The following DCTN1 variants were observed in gnomAD, a reference collection of about 807,000 sequenced individuals.
The protein encoded by DCTN1 is dynactin subunit 1.
DCTN1 carries 61 observed loss-of-function variants against 161.2 expected under a neutral mutation model. The observed-to-expected ratio is 0.38, with a 90% confidence interval of 0.31 to 0.47. The LOEUF is 0.47. DCTN1 is among the 20% of genes least tolerant of loss of function. The pLI, the probability that DCTN1 is intolerant of heterozygous loss-of-function variation, is 0.99. For synonymous variants in DCTN1, 653 were observed against 632.4 expected (o/e 1.03, Z -0.49); for missense variants, 1,404 against 1,623.7 (o/e 0.86, Z 2.33).
At position 74,362,720 on chromosome 2, in the gene DCTN1, C is replaced by T; in HGVS notation, c.3539G>A (p.Ser1180Asn). The change falls in exon 30 of 32, where the codon AGC (serine) becomes AAC (asparagine). Residue 1180 changes from serine (S) to asparagine (N), a missense_variant. By Grantham distance (46) the Ser-to-Asn change is conservative. Around this residue, in one of 9 missense-constraint regions of DCTN1, gnomAD observed 311 missense variants for 298.9 expected, o/e 1.04. Transcript: ENST00000628224. ...DITRTSPAAK[S>N]PSAQLMEQVA... ...TTGCTCCATAAGTTGGGCCGACGGG[C>T]TCTTGGCAGCTGTGGGGAGAGAAAG... 1.9e-6 allele frequency: 3 copies of T among 1,613,940 alleles called. No individual in the cohort carries two copies. Among genetic ancestry groups the T allele is most frequent in the Non-Finnish European group, 2.5e-6 (3 of 1,179,970 alleles).
In DCTN1 at chr2:74,365,617, A is replaced by T; in HGVS notation, c.2927T>A (p.Leu976Gln). The T allele has an allele frequency of 6.2e-7, 1 of 1,614,124 alleles. No homozygotes were observed. Among genetic ancestry groups the T allele is most frequent in the South Asian group, 1.1e-5 (1 of 91,068 alleles). ...GGCAGCACTGTCCAACTTCTTCTCC[A>T]GGAGGCTCAGCCGCACATTGGCCTC... ...LSEANVRLSL[L>Q]EKKLDSAAKD... The change falls in exon 25 of 32, where the codon CTG (leucine) becomes CAG (glutamine). Residue 976 changes from leucine (L) to glutamine (Q), a missense_variant. Around this residue, in one of 9 missense-constraint regions of DCTN1, gnomAD observed 475 missense variants for 489.8 expected, o/e 0.97. Transcript: ENST00000628224.
chr2:74,388,454 C>G (rs189648697), intron 1 of DCTN1, among the ~76,000 whole-genome samples: 14 of 152,316 alleles, frequency 9.2e-5, no homozygotes, highest in African/African-American at 3.4e-4. Context: ...CTCTTTTATT[C>G]CAGCCACTTG....
intron 1 of DCTN1, chr2:74,378,870 C>G (rs1438539647): frequency 6.4e-6 from 1 of 156,672 alleles, no homozygotes; most frequent in Non-Finnish European, 1.4e-5. Flanking sequence ...AGATGCTTCA[C>G]CACAGCCCAT....
chr2:74,378,550 G>A lies in DCTN1; in HGVS notation c.34-305C>T, dbSNP rs551184891. Among the ~76,000 whole-genome samples the A allele has an allele frequency of 1.4e-4, 22 of 152,304 alleles. No individual in the cohort carries two copies. In the South Asian group the frequency reaches 3.9e-3, roughly 27 times the overall value. On this transcript the variant is annotated intron_variant, in intron 1 of 31. Coordinates refer to ENST00000628224, the MANE Select transcript of DCTN1 (RefSeq NM_004082.5). ...ACATGGCTGCTTTCTCAGGAGCACT[G>A]TCTCCTTAATTCTCTTCTCAGGAGG...
upstream of DCTN1, among the ~76,000 whole-genome samples, chr2:74,381,242 C>G (rs1558951094): frequency 6.6e-6 from 1 of 152,236 alleles, no homozygotes; most frequent in South Asian, 2.1e-4. Context: ...TGCCCCTACA[C>G]AGCCAACAAG....
At position 74,365,956 on chromosome 2, in the gene DCTN1, C is replaced by T. The variant is rs550195526; in HGVS notation, c.2823G>A (p.Leu941=). ...LRAEITDAEG[L]GLKLEDRETV... is the part of the protein sequence containing the mutation. ...TCTCTCGATCTTCGAGCTTCAAACCCAGGCCTTCAGCATCTGTGATCTCTG... is the reference window on the plus strand; with the variant it reads ...TCTCTCGATCTTCGAGCTTCAAACCTAGGCCTTCAGCATCTGTGATCTCTG... Residue 941 remains leucine (L), a synonymous_variant, in exon 24 of 32, where the codon CTG becomes CTA. Transcript: ENST00000628224. The T allele has an allele frequency of 3.1e-5, 50 of 1,614,136 alleles. No homozygotes were observed. The highest frequency in any genetic ancestry group is 3.1e-5 in the Non-Finnish European group (36 of 1,180,058).
chr2:74,362,775 C>A, intron 29 of DCTN1, 46 bp from the exon 30 acceptor site: 1 of 1,581,682 alleles, frequency 6.3e-7, no homozygotes. Flanking sequence ...CGCAGGCAGG[C>A]AGTTCTACTG....
At chr2:74,362,862 A>T (rs1316783040) in intron 29 of DCTN1, 132 bp downstream of exon 29, 1 of 1,329,774 alleles carries the variant, frequency 7.5e-7, no homozygotes, top group African/African-American at 1.5e-5. Context: ...AATCAAACAA[A>T]CTGAACAGTG....
At chr2:74,372,628 C>T (rs1674945765) in intron 7 of DCTN1, among the ~76,000 whole-genome samples, 1 of 152,218 alleles carries the variant, frequency 6.6e-6, no homozygotes, top group Admixed American at 6.5e-5. Flanking sequence ...TCCAATCCCT[C>T]CCATCAAAAC....
intron 5 of DCTN1, among the ~76,000 whole-genome samples, chr2:74,375,989 T>C (rs928198632): frequency 6.6e-6 from 1 of 152,136 alleles, no homozygotes; most frequent in South Asian, 2.1e-4. Context: ...GACAGGCACA[T>C]GCAGGTCAAA....
chr2:74,364,909 C>G (rs1182754463), intron 26 of DCTN1, 166 bp downstream of exon 26: 1 of 818,948 alleles, frequency 1.2e-6, no homozygotes, highest in Non-Finnish European at 2.0e-6. Context: ...ACATCTTCAG[C>G]GGAAGGGAAA....
chr2:74,377,387 TCCCCTC>T (rs1558948390), intron 4 of DCTN1, 39 bp downstream of exon 4: 1 of 1,560,712 alleles, frequency 6.4e-7, no homozygotes, highest in Admixed American at 1.7e-5. Context: ...TCTTTCTCCT[TCCCCTC>T]CCTTTATTAT....
Position 74,380,105 on chromosome 2 carries a change from G to A in DCTN1, c.-68C>T. 6.3e-7 allele frequency: 1 copy of A among 1,582,572 alleles called. No individual in the cohort carries two copies. Among genetic ancestry groups the A allele is most frequent in the East Asian group, 2.2e-5 (1 of 44,710 alleles). ...ACAGAGAGAAAAGGTAGAAACCTAGGCAGGAGGGTCAGGGCGCTGGGCCCT... is the reference window on the plus strand; with the variant it reads ...ACAGAGAGAAAAGGTAGAAACCTAGACAGGAGGGTCAGGGCGCTGGGCCCT... On this transcript the variant is annotated 5_prime_UTR_variant, in exon 1 of 32. Coordinates refer to ENST00000628224, the MANE Select transcript of DCTN1 (RefSeq NM_004082.5).
Position 74,366,867 on chromosome 2 carries a change from G to A in DCTN1, c.2382C>T (p.Ile794=), listed in dbSNP as rs142107482. ...TTCGGATCTTCTTGCAGAACTGGCG[G>A]ATGTCACTGCATGAAGTTTCCAGAT... ...LRDLETSCSD[I]RQFCKKIRRR... Residue 794 remains isoleucine, a synonymous_variant, in exon 21 of 32, where the codon ATC becomes ATT. Coordinates refer to ENST00000628224, the MANE Select transcript of DCTN1 (RefSeq NM_004082.5). 3.1e-6 allele frequency: 5 copies of A among 1,614,122 alleles called. No individual in the cohort carries two copies. The highest frequency in any genetic ancestry group is 4.2e-6 in the Non-Finnish European group (5 of 1,180,054).
rs755993520 is a variant in DCTN1 at position 74,377,691 on chromosome 2, G to A, written c.315C>T (p.Ser105=). ...QVFEDGADTT[S]PETPDSSASK... ...AAGCAGAAGAATCAGGTGTCTCTGG[G>A]GAAGTAGTATCTGCTCCATCTTCAA... Residue 105 remains serine, a synonymous_variant, in exon 3 of 32, where the codon TCC becomes TCT. Coordinates refer to ENST00000628224, the MANE Select transcript of DCTN1 (RefSeq NM_004082.5). 1 of 1,614,120 alleles carries A rather than the reference G, an allele frequency of 6.2e-7. No individual in the cohort carries two copies. Among genetic ancestry groups the A allele is most frequent in the East Asian group, 2.2e-5 (1 of 44,882 alleles).
chr2:74,381,063 G>A (rs1428278233), upstream of DCTN1, among the ~76,000 whole-genome samples: 1 of 152,138 alleles, frequency 6.6e-6, no homozygotes, highest in African/African-American at 2.4e-5. Context: ...CTACGCTTTT[G>A]TATTTCACAA....
At chr2:74,361,959 G>A in intron 31 of DCTN1, 93 bp downstream of exon 31, 2 of 1,366,966 alleles carry the variant, frequency 1.5e-6, no homozygotes, top group Non-Finnish European at 2.1e-6. Context: ...TGTTAGACCT[G>A]AGACTCCAAA....
rs1675445267 is a variant in DCTN1 at position 74,380,119 on chromosome 2, G to A, written c.-82C>T. The A allele has an allele frequency of 3.3e-6, 5 of 1,506,266 alleles. 1 individual carries two copies. The Admixed American group carries it at 8.4e-5, about 25-fold the overall frequency. 93.3% of individuals were successfully genotyped at this position (1,506,266 alleles called of 1,614,324 possible). On this transcript the variant is annotated 5_prime_UTR_variant, in exon 1 of 32. Transcript: ENST00000628224. ...TAGAAACCTAGGCAGGAGGGTCAGG[G>A]CGCTGGGCCCTCATAGAGGGACACA...
Position 74,367,861 on chromosome 2 carries a change from G to A in DCTN1, c.2019C>T (p.Ala673=), listed in dbSNP as rs372482596. The part of the protein sequence containing the change: ...LQATLHRYEH[A]LSQCSVDVYK... ...ACACATCCACACTGCACTGAGAGAG[G>A]GCACTAGAGACCAGAGAAGGGCACT... Residue 673 remains alanine (A), a synonymous_variant, in exon 18 of 32, where the codon GCC becomes GCT. Transcript: ENST00000628224. The A allele has an allele frequency of 1.6e-4, 263 of 1,614,192 alleles. 3 individuals are homozygous for A. The East Asian group carries it at 3.9e-3, about 24-fold the overall frequency.
Sources: allele counts gnomAD v4.1 joint callset (sites outside exome capture counted in the v4.1 genomes callset), GRCh38; gene constraint gnomAD v4.1.1; regional missense constraint gnomAD v4.1.1; transcripts MANE v1.5; gene names NCBI Gene and HGNC (gene_info 2026-07-23, HGNC 2026-07-21).